AMZ1: variants seen among roughly 807,000 people sequenced by gnomAD.
AMZ1 encodes archaemetzincin-1.
Under a neutral mutation model 29.9 loss-of-function variants are expected in AMZ1, and 39 were observed. The ratio of observed to expected loss-of-function variants is 1.30; its 90% CI spans 1.01 to 1.70. The LOEUF (loss-of-function observed/expected upper bound fraction) is 1.70. AMZ1 is among the 40% of genes most tolerant of loss of function. AMZ1 has a pLI of 0.00. For missense variants in AMZ1, 1,041 were observed against 680.6 expected, an observed-to-expected ratio of 1.53 and a Z score of -5.89; for synonymous variants, 458 against 304.0, an observed-to-expected ratio of 1.51 and a Z score of -5.27.
At chr7:2,682,406 C>G (rs780589250) in intron 1 of AMZ1, among the ~76,000 whole-genome samples, 1 of 152,192 alleles carries the variant, frequency 6.6e-6, no homozygotes, top group Non-Finnish European at 1.5e-5. Context: ...GGCCTCAGGC[C>G]GATGCGAGGG....
upstream of AMZ1, among the ~76,000 whole-genome samples, chr7:2,685,218 T>TG (rs919861416): frequency 4.0e-5 from 6 of 150,336 alleles, no homozygotes; most frequent in African/African-American, 9.8e-5. Context: ...GCGTGGGGGT[T>TG]GGGGGGAGGA....
At chr7:2,724,122 T>A (rs553775492), downstream of AMZ1, among the ~76,000 whole-genome samples, 1 of 152,140 alleles carries the variant, frequency 6.6e-6, no homozygotes, top group East Asian at 1.9e-4. Flanking sequence ...GGTCTCACCA[T>A]CTTGGCCAGG....
chr7:2,745,898 C>A (rs1300230155), intron 4 of AMZ1, among the ~76,000 whole-genome samples: 1 of 152,092 alleles, frequency 6.6e-6, no homozygotes, highest in East Asian at 1.9e-4. Flanking sequence ...GACTTTAAAC[C>A]AACAAAGATC....
upstream of AMZ1, among the ~76,000 whole-genome samples, chr7:2,764,438 T>C (rs372866046): frequency 2.6e-5 from 4 of 152,124 alleles, no homozygotes; most frequent in Middle Eastern, 3.4e-3. Flanking sequence ...CAGAGGAGAG[T>C]TGAGATTCCG....
At chr7:2,704,110 G>C (rs559148079) in intron 3 of AMZ1, among the ~76,000 whole-genome samples, 19 of 152,242 alleles carry the variant, frequency 1.2e-4, no homozygotes, top group African/African-American at 3.1e-4. Context: ...AGGATGGTCT[G>C]GATCTCCTGA....
chr7:2,732,573 A>C (rs892843053), intron 4 of AMZ1, among the ~76,000 whole-genome samples: 5 of 152,096 alleles, frequency 3.3e-5, no homozygotes, highest in African/African-American at 1.2e-4. Context: ...AACAGAACAA[A>C]AAACCAACAA....
At chr7:2,685,579 G>A (rs892644986), upstream of AMZ1, among the ~76,000 whole-genome samples, 11 of 147,560 alleles carry the variant, frequency 7.5e-5, no homozygotes, top group Non-Finnish European at 8.9e-5. Context: ...AAAAGGCCGG[G>A]TGCGGTGGCT....
Position 2,716,926 on chromosome 7 carries a change from A to C in AMZ1, c.*4048A>C, listed in dbSNP as rs983082150. On this transcript the variant is annotated 3_prime_UTR_variant, in exon 7 of 7. Transcript: ENST00000683327. The stretch of plus-strand genomic sequence containing the variant: ...AACGGCAGAGCGGAAGTTGAGGCGC[A>C]GTCTGTTCTTGCTTGAACCCCGAGT... Among the ~76,000 whole-genome samples the C allele has an allele frequency of 6.6e-6, 1 of 152,222 alleles. No individual in the cohort carries two copies. Among genetic ancestry groups the C allele is most frequent in the Non-Finnish European group, 1.5e-5 (1 of 68,038 alleles).
intron 4 of AMZ1, among the ~76,000 whole-genome samples, chr7:2,747,940 T>C (rs1292620939): frequency 6.6e-6 from 1 of 151,274 alleles, no homozygotes; most frequent in Non-Finnish European, 1.5e-5. Flanking sequence ...TACCTAGGAA[T>C]CCAACTTACA....
At chr7:2,683,105 G>T (rs1276089722) in intron 1 of AMZ1, among the ~76,000 whole-genome samples, 1 of 152,178 alleles carries the variant, frequency 6.6e-6, no homozygotes, top group Non-Finnish European at 1.5e-5. Flanking sequence ...CAATGCCCCG[G>T]GAGAGTTTTC....
chr7:2,746,757 C>T (rs567079990), intron 4 of AMZ1, among the ~76,000 whole-genome samples: 3,524 of 151,430 alleles, frequency 0.023, 91 homozygotes, highest in Middle Eastern at 0.075. Flanking sequence ...ATCAACAAAA[C>T]TGATAGACCG....
rs1788513711 is a variant in AMZ1, at chr7:2,708,575, C to CTTTGA, written c.473-13_473-12insTTTGA. 13 of 1,611,430 alleles carry CTTTGA rather than the reference C, an allele frequency of 8.1e-6. No individual in the cohort carries two copies. Among genetic ancestry groups the CTTTGA allele is most frequent in the African/African-American group, 1.3e-5 (1 of 74,872 alleles). ...CTGCCTCCTGACCCCATCCTCTGGC[C>CTTTGA]CTCTCCCCGCAGACGGCATCCTGTC... On this transcript the variant is annotated splice_polypyrimidine_tract_variant and intron_variant, in intron 3 of 6. Coordinates refer to ENST00000683327, the MANE Select transcript of AMZ1 (RefSeq NM_001384743.1).
chr7:2,712,425 C>T lies in AMZ1; in HGVS notation c.1044C>T (p.Ala348=), dbSNP rs55919423. ...SVWEDTPPAS[A]DSGMCCESDS... The stretch of plus-strand genomic sequence containing the variant: ...GGGAGGACACCCCGCCTGCCAGCGC[C>T]GACTCGGGCATGTGCTGTGAGAGTG... The change falls in exon 7 of 7, where the codon GCC becomes GCT. Residue 348 remains alanine, a synonymous_variant. Coordinates refer to ENST00000683327, the MANE Select transcript of AMZ1 (RefSeq NM_001384743.1). 42,591 of 1,611,778 alleles carry T rather than the reference C, an allele frequency of 0.026. 641 individuals carry two copies. Among genetic ancestry groups the T allele is most frequent in the Non-Finnish European group, 0.029 (34,356 of 1,179,622 alleles).
chr7:2,689,141 C>G (rs1018069686), intron 1 of AMZ1, among the ~76,000 whole-genome samples: 1 of 152,246 alleles, frequency 6.6e-6, no homozygotes, highest in Non-Finnish European at 1.5e-5. Context: ...CTGAAGGTCT[C>G]CGCTGTCAGC....
At chr7:2,739,072 T>C (rs2115319018) in intron 4 of AMZ1, among the ~76,000 whole-genome samples, 2 of 152,290 alleles carry the variant, frequency 1.3e-5, no homozygotes, top group Middle Eastern at 6.8e-3. Flanking sequence ...CTCCGCAGGG[T>C]GTGTCCTCGG....
At chr7:2,691,693 T>G (rs1787394817) in intron 1 of AMZ1, among the ~76,000 whole-genome samples, 1 of 127,046 alleles carries the variant, frequency 7.9e-6, no homozygotes, top group Non-Finnish European at 1.5e-5. Flanking sequence ...ATTGCGCCAC[T>G]GCACTCTAAC....
At chr7:2,693,835 A>T (rs1049805822) in intron 1 of AMZ1, among the ~76,000 whole-genome samples, 1 of 152,238 alleles carries the variant, frequency 6.6e-6, no homozygotes, top group South Asian at 2.1e-4. Flanking sequence ...GAATGCAGGC[A>T]TGGGCCACTG....
intron 4 of AMZ1, among the ~76,000 whole-genome samples, chr7:2,726,471 G>C (rs1370687529): frequency 6.6e-6 from 1 of 152,186 alleles, no homozygotes; most frequent in East Asian, 1.9e-4. Context: ...CACACTGCCC[G>C]GGTGAGAGCT....
chr7:2,725,876 GACCCTCCCCT>G (rs1789596212), intron 4 of AMZ1, among the ~76,000 whole-genome samples: 1 of 152,138 alleles, frequency 6.6e-6, no homozygotes, highest in Admixed American at 6.6e-5. Flanking sequence ...CGCAGTGCCA[GACCCTCCCCT>G]GGTGCCTCTG....
Sources: allele counts gnomAD v4.1 joint callset (sites outside exome capture counted in the v4.1 genomes callset), GRCh38; gene constraint gnomAD v4.1.1; transcripts MANE v1.5; gene names NCBI Gene and HGNC (gene_info 2026-07-23, HGNC 2026-07-21).